The following PCDHA13 variants were observed in gnomAD, a reference collection of about 807,000 sequenced individuals.
The protein encoded by PCDHA13 is protocadherin alpha 13, also known as protocadherin alpha-13.
In PCDHA13, 54 loss-of-function variants were observed where a neutral mutation model predicts 64.8. The observed-to-expected ratio is 0.83, with a 90% CI of 0.67 to 1.04. The LOEUF is 1.04. PCDHA13 is among the 50% of genes least tolerant of loss of function. PCDHA13 has a pLI of 0.00. For synonymous variants in PCDHA13, 587 were observed against 564.4 expected (o/e 1.04, Z -0.57); for missense variants, 1,248 against 1,254.3 (o/e 0.99, Z 0.08).
At chr5:140,921,681 C>T (rs1554200353) in intron 1 of PCDHA13, among the ~76,000 whole-genome samples, 1 of 152,136 alleles carries the variant, frequency 6.6e-6, no homozygotes, top group East Asian at 1.9e-4. Context: ...TATCATCAAA[C>T]ACTGGCCACC....
intron 3 of PCDHA13, among the ~76,000 whole-genome samples, chr5:140,996,928 G>A (rs114173550): frequency 6.6e-6 from 1 of 152,032 alleles, no homozygotes; most frequent in African/African-American, 2.4e-5. Flanking sequence ...AAAAAATATA[G>A]CATTTTTGCA....
intron 3 of PCDHA13, among the ~76,000 whole-genome samples, chr5:141,000,226 G>A (rs2097897321): frequency 6.6e-6 from 1 of 151,546 alleles, no homozygotes; most frequent in Non-Finnish European, 1.5e-5. Context: ...TGCCTGTGTG[G>A]AGCTGAATGT....
At chr5:140,961,113 C>T (rs2095591220) in intron 1 of PCDHA13, among the ~76,000 whole-genome samples, 1 of 152,190 alleles carries the variant, frequency 6.6e-6, no homozygotes, top group Non-Finnish European at 1.5e-5. Context: ...AACCCCCTTG[C>T]ATCTTAATGT....
chr5:140,928,478 A>G (rs1554205922), intron 1 of PCDHA13: 1 of 1,614,132 alleles, frequency 6.2e-7, no homozygotes, highest in East Asian at 2.2e-5. Context: ...GAAGGCCGGG[A>G]TGGTGGCATT....
rs375103611 is a variant in PCDHA13 at position 140,888,367 on chromosome 5, A to G, written c.2394+3705A>G. ...AGGGAATTGCTACTGGCATCTAATAATGGAGCTCTGAGATGCTGCTAAACA... is the reference window on the plus strand; with the variant it reads ...AGGGAATTGCTACTGGCATCTAATAGTGGAGCTCTGAGATGCTGCTAAACA... On this transcript the variant is annotated intron_variant, in intron 1 of 3. Coordinates refer to ENST00000289272, the MANE Select transcript of PCDHA13 (RefSeq NM_018904.3). 3.2e-4 allele frequency among the ~76,000 whole-genome samples: 49 copies of G among 152,322 alleles called. 1 individual carries two copies. In the East Asian group the frequency reaches 7.7e-3, roughly 24 times the overall value.
intron 1 of PCDHA13, among the ~76,000 whole-genome samples, chr5:140,885,485 TTC>T (rs1412041657): frequency 1.3e-5 from 2 of 152,188 alleles, no homozygotes; most frequent in Admixed American, 6.5e-5. Context: ...GTGTCAAGTG[TTC>T]TGTTATCTTC....
At chr5:140,963,275 A>G (rs2095752915) in intron 1 of PCDHA13, among the ~76,000 whole-genome samples, 1 of 152,160 alleles carries the variant, frequency 6.6e-6, no homozygotes, top group Non-Finnish European at 1.5e-5. Flanking sequence ...AAATGTATGT[A>G]AGATTTTATA....
chr5:140,884,281 G>C lies in PCDHA13; in HGVS notation c.2013G>C (p.Glu671Asp). The C allele has an allele frequency of 2.5e-6, 4 of 1,613,614 alleles. No homozygotes were observed. Among genetic ancestry groups the C allele is most frequent in the Non-Finnish European group, 3.4e-6 (4 of 1,179,798 alleles). Residue 671 changes from glutamate to aspartate, a missense_variant, in exon 1 of 4, where the codon GAG becomes GAC. Transcript: ENST00000289272. ...CAACGGTGCTGTTGTCGCTGGTGGA[G>C]AGCGGCCAAGCGCCACAGGCTTCGT... ...ATATVLLSLVESGQAPQASSR... is the reference protein window; with the variant it reads ...ATATVLLSLVDSGQAPQASSR...
At chr5:140,992,514 G>A (rs1256283066) in intron 3 of PCDHA13, among the ~76,000 whole-genome samples, 1 of 152,176 alleles carries the variant, frequency 6.6e-6, no homozygotes, top group Non-Finnish European at 1.5e-5. Flanking sequence ...CTGGGGCATG[G>A]TAGCTAATGG....
intron 3 of PCDHA13, 119 bp from the exon 4 acceptor site, chr5:141,009,508 C>T (rs923907688): frequency 6.7e-7 from 1 of 1,496,530 alleles, no homozygotes; most frequent in African/African-American, 1.4e-5. Flanking sequence ...GAACAAACAA[C>T]TCGTGATTTT....
chr5:140,918,021 A>G (rs2078482403), intron 1 of PCDHA13, among the ~76,000 whole-genome samples: 2 of 152,190 alleles, frequency 1.3e-5, no homozygotes, highest in South Asian at 2.1e-4. Flanking sequence ...CTTCCTACCC[A>G]TGAGCGTGGA....
chr5:141,001,164 A>T (rs2097995699), intron 3 of PCDHA13, among the ~76,000 whole-genome samples: 1 of 152,102 alleles, frequency 6.6e-6, no homozygotes, highest in East Asian at 1.9e-4. Context: ...AATAAGTAAA[A>T]TTTAACGAGT....
At chr5:140,891,708 C>T (rs1422243783) in intron 1 of PCDHA13, among the ~76,000 whole-genome samples, 1 of 152,066 alleles carries the variant, frequency 6.6e-6, no homozygotes, top group Admixed American at 6.6e-5. Context: ...TGAATTTGTA[C>T]CCCCAAATTC....
intron 1 of PCDHA13, among the ~76,000 whole-genome samples, chr5:140,907,747 G>A (rs782672220): frequency 7.9e-5 from 12 of 152,172 alleles, no homozygotes; most frequent in Admixed American, 2.0e-4. Flanking sequence ...TGGCCACTTT[G>A]TTCATGGGCC....
chr5:140,967,779 C>G, intron 1 of PCDHA13: 1 of 1,614,222 alleles, frequency 6.2e-7, no homozygotes, highest in Non-Finnish European at 8.5e-7. Flanking sequence ...GTGCAGGCGA[C>G]TGACCGGGGT....
chr5:140,983,101 C>T (rs1047738074), intron 3 of PCDHA13, among the ~76,000 whole-genome samples: 2 of 152,228 alleles, frequency 1.3e-5, no homozygotes, highest in African/African-American at 4.8e-5. Flanking sequence ...ATCTGCTTCT[C>T]TCTGCACATC....
At chr5:140,977,337 G>A (rs1554238444) in intron 1 of PCDHA13, among the ~76,000 whole-genome samples, 4 of 152,150 alleles carry the variant, frequency 2.6e-5, no homozygotes, top group South Asian at 2.1e-4. Context: ...GGGGAGAGAC[G>A]GTGATGATGA....
intron 1 of PCDHA13, among the ~76,000 whole-genome samples, chr5:140,976,809 T>C (rs1563451400): frequency 6.6e-6 from 1 of 152,220 alleles, no homozygotes; most frequent in Non-Finnish European, 1.5e-5. Flanking sequence ...TATCTGAAGA[T>C]ATGCATGTGT....
chr5:140,891,782 T>C (rs574840881), intron 1 of PCDHA13, among the ~76,000 whole-genome samples: 1 of 152,284 alleles, frequency 6.6e-6, no homozygotes, highest in African/African-American at 2.4e-5. Flanking sequence ...AGGAAATGTT[T>C]AGATTATGAG....
Sources: allele counts gnomAD v4.1 joint callset (sites outside exome capture counted in the v4.1 genomes callset), GRCh38; gene constraint gnomAD v4.1.1; transcripts MANE v1.5; gene names NCBI Gene and HGNC (gene_info 2026-07-23, HGNC 2026-07-21).